Variants in MIR2052HG observed in about 807,000 individuals in gnomAD.
MIR2052HG encodes the protein MIR2052 host gene.
chr8:74,733,135 G>T (rs567306522), intron 4 of MIR2052HG, among the ~76,000 whole-genome samples: 41 of 151,784 alleles, frequency 2.7e-4, no homozygotes, highest in African/African-American at 9.7e-4. Context: ...CAATGTGCAG[G>T]TTAGTTACAT....
At chr8:74,752,537 A>G (rs1409691110) in intron 5 of MIR2052HG, 1 of 454,946 alleles carries the variant, frequency 2.2e-6, no homozygotes. Context: ...TCTGAAAGTA[A>G]GTAGGAAAGA....
chr8:74,600,089 T>C (rs1586881999), intron 1 of MIR2052HG, among the ~76,000 whole-genome samples: 1 of 152,126 alleles, frequency 6.6e-6, no homozygotes. Flanking sequence ...CTTCGGCTGG[T>C]GCACGGTGTG....
chr8:74,649,169 A>G (rs28369315), intron 2 of MIR2052HG, among the ~76,000 whole-genome samples: 9,884 of 152,232 alleles, frequency 0.065, 384 homozygotes, highest in African/African-American at 0.09. Flanking sequence ...TATGATTGAT[A>G]CGGACTTTTA....
intron 5 of MIR2052HG, among the ~76,000 whole-genome samples, chr8:74,754,282 C>T (rs889400668): frequency 6.6e-6 from 1 of 152,104 alleles, no homozygotes; most frequent in Admixed American, 6.6e-5. Context: ...CTCCATTGAC[C>T]TCTTAGCAGC....
At chr8:74,612,803 A>T in intron 1 of MIR2052HG, 1 of 437,182 alleles carries the variant, frequency 2.3e-6, no homozygotes, top group Non-Finnish European at 4.6e-6. Context: ...TAAAAGAAGC[A>T]GGAAAAATAA....
intron 2 of MIR2052HG, among the ~76,000 whole-genome samples, chr8:74,679,339 A>G (rs1371553376): frequency 6.6e-6 from 1 of 151,980 alleles, no homozygotes; most frequent in African/African-American, 2.4e-5. Flanking sequence ...GTGACAACAC[A>G]TGATATTTGG....
At position 74,602,813 on chromosome 8, in the gene MIR2052HG, CCG is replaced by C. The variant is rs1270100099; in HGVS notation, n.128+2906_128+2907del. Among the ~76,000 whole-genome samples, 61 of 137,900 alleles carry C rather than the reference CCG, an allele frequency of 4.4e-4. 1 individual carries two copies. Among genetic ancestry groups the C allele is most frequent in the Non-Finnish European group, 9.2e-4 (57 of 62,178 alleles). 90.5% of individuals were successfully genotyped at this position (137,900 alleles called of 152,430 possible). Reference sequence around the variant, plus strand: ...TATGGATGTGAGCTGCCATGCCCGGCCGTGTTTCTTTCTTTCTTTCTTTCTTT... The same window carrying C: ...TATGGATGTGAGCTGCCATGCCCGGCTGTTTCTTTCTTTCTTTCTTTCTTT... On this transcript the variant is annotated intron_variant and non_coding_transcript_variant, in intron 1 of 6. Coordinates refer to ENST00000523442, the Ensembl canonical transcript of MIR2052HG.
At chr8:74,667,459 T>C (rs904930323) in intron 2 of MIR2052HG, among the ~76,000 whole-genome samples, 9 of 152,242 alleles carry the variant, frequency 5.9e-5, no homozygotes, top group African/African-American at 2.2e-4. Context: ...GGAATGTAAA[T>C]GAATATGGCA....
intron 2 of MIR2052HG, among the ~76,000 whole-genome samples, chr8:74,657,139 C>A (rs1808815414): frequency 6.6e-6 from 1 of 152,158 alleles, no homozygotes; most frequent in African/African-American, 2.4e-5. Context: ...TATGCTGCTG[C>A]CTTCTTCTCA....
At chr8:74,643,578 A>G (rs533804424) in intron 2 of MIR2052HG, among the ~76,000 whole-genome samples, 1 of 152,238 alleles carries the variant, frequency 6.6e-6, no homozygotes, top group Non-Finnish European at 1.5e-5. Context: ...CTAGTAAAGA[A>G]AGAAGTATCA....
chr8:74,602,880 C>CTTTCTTTCTTTCTTTTTT (rs1808042817), intron 1 of MIR2052HG, among the ~76,000 whole-genome samples: 1 of 13,542 alleles, frequency 7.4e-5, no homozygotes, highest in African/African-American at 5.1e-4. Flanking sequence ...TTTCTTTTTT[C>CTTTCTTTCTTTCTTTTTT]TATTCACAAA....
intron 1 of MIR2052HG, among the ~76,000 whole-genome samples, chr8:74,604,494 G>A (rs1808079438): frequency 7.5e-6 from 1 of 133,490 alleles, no homozygotes; most frequent in Non-Finnish European, 1.6e-5. Context: ...AGACCCCGGG[G>A]CGGGTGGGGG....
At chr8:74,719,353 G>A (rs1809551193) in intron 4 of MIR2052HG, among the ~76,000 whole-genome samples, 2 of 152,188 alleles carry the variant, frequency 1.3e-5, no homozygotes, top group South Asian at 4.1e-4. Flanking sequence ...AGATTGCATA[G>A]CGAGCACTGG....
At chr8:74,603,910 A>G in intron 1 of MIR2052HG, 2 of 1,109,048 alleles carry the variant, frequency 1.8e-6, no homozygotes, top group Non-Finnish European at 2.8e-6. Context: ...TTTTCCAATG[A>G]GAGAGCCACA....
chr8:74,743,549 G>A (rs1001623335), intron 4 of MIR2052HG, among the ~76,000 whole-genome samples: 2 of 152,140 alleles, frequency 1.3e-5, no homozygotes, highest in Admixed American at 1.3e-4. Context: ...AGGATTTCCA[G>A]ACCTCATAGC....
chr8:74,713,725 C>A (rs1809493177), intron 4 of MIR2052HG, among the ~76,000 whole-genome samples: 1 of 152,068 alleles, frequency 6.6e-6, no homozygotes, highest in Admixed American at 6.6e-5. Flanking sequence ...GTTTACTTTG[C>A]ATAACGTTAC....
chr8:74,726,415 G>A (rs1461379946), intron 4 of MIR2052HG, among the ~76,000 whole-genome samples: 1 of 152,128 alleles, frequency 6.6e-6, no homozygotes, highest in Non-Finnish European at 1.5e-5. Context: ...ATCTACTTGT[G>A]TAAGTACCAA....
chr8:74,604,220 C>A, intron 1 of MIR2052HG: 2 of 894,310 alleles, frequency 2.2e-6, no homozygotes, highest in South Asian at 2.6e-5. Context: ...ATATTTAATC[C>A]ACCTTCAATC....
At chr8:74,664,286 GA>G (rs1158136770) in intron 2 of MIR2052HG, among the ~76,000 whole-genome samples, 2 of 149,676 alleles carry the variant, frequency 1.3e-5, no homozygotes, top group Admixed American at 6.6e-5. Flanking sequence ...TTAAAAAAAA[GA>G]AAAAAAAAGA....
Sources: allele counts gnomAD v4.1 joint callset (sites outside exome capture counted in the v4.1 genomes callset), GRCh38; gene constraint gnomAD v4.1.1; transcripts MANE v1.5; gene names NCBI Gene and HGNC (gene_info 2026-07-23, HGNC 2026-07-21).